PWWP3A: variants seen among roughly 807,000 people sequenced by gnomAD.
The protein encoded by PWWP3A is PWWP domain-containing DNA repair factor 3A.
PWWP3A carries 53 observed loss-of-function variants against 79.0 expected under a neutral mutation model. That is an observed-to-expected ratio of 0.67 (90% CI 0.54 to 0.84). PWWP3A has a LOEUF of 0.84. Ranked by LOEUF, PWWP3A falls within the 40% of genes least tolerant of loss-of-function variation. The pLI, the probability that PWWP3A is intolerant of heterozygous loss-of-function variation, is 0.00. For synonymous variants in PWWP3A, 443 were observed against 394.4 expected (o/e 1.12, Z -1.46); for missense variants, 973 against 948.0 (o/e 1.03, Z -0.35).
Position 1,373,058 on chromosome 19 carries a change from G to T in PWWP3A, c.1987-14G>T, listed in dbSNP as rs745802654. The T allele has an allele frequency of 3.1e-6, 5 of 1,613,176 alleles. No individual in the cohort carries two copies. Among genetic ancestry groups the T allele is most frequent in the Non-Finnish European group, 4.2e-6 (5 of 1,179,482 alleles). ...GCAGTGCCTGCTGCTATTGAGCCCC[G>T]TGCCCTCTCACAGGCCATCATCTGT... On this transcript the variant is annotated splice_polypyrimidine_tract_variant and intron_variant, in intron 12 of 13. Coordinates refer to ENST00000591337, the MANE Select transcript of PWWP3A (RefSeq NM_001369789.1).
chr19:1,366,483 C>A, intron 8 of PWWP3A, 102 bp downstream of exon 8: 1 of 1,080,332 alleles, frequency 9.3e-7, no homozygotes, highest in East Asian at 2.5e-5. Context: ...AGGGGAGGCC[C>A]CGGCAGGAGT....
intron 13 of PWWP3A, 49 bp downstream of exon 13, chr19:1,373,209 A>G (rs769956986): frequency 2.4e-5 from 37 of 1,545,250 alleles, no homozygotes; most frequent in South Asian, 5.7e-5. Flanking sequence ...TCTGCCTTGC[A>G]GTTTCTATTT....
intron 12 of PWWP3A, chr19:1,372,669 A>C (rs2082287055): frequency 6.4e-6 from 1 of 156,870 alleles, no homozygotes; most frequent in Non-Finnish European, 1.4e-5. Flanking sequence ...AGGCAGGAGA[A>C]TCACCTGAAC....
At position 1,368,164 on chromosome 19, in the gene PWWP3A, C is replaced by A. The variant is rs1028400067; in HGVS notation, c.1422+944C>A. ...GGTCTCGAACTCCTGACCTCATGAT[C>A]CGCCTGCCTCAGCCTCTCAAAGTGC... is the stretch of plus-strand genomic sequence containing the variant. On this transcript the variant is annotated intron_variant, in intron 9 of 13. Transcript: ENST00000591337. The surrounding 1 kb of genome is among the most constrained non-coding windows in gnomAD (Gnocchi z 4.7). Among the ~76,000 whole-genome samples the A allele has an allele frequency of 1.2e-4, 18 of 152,134 alleles. No individual in the cohort carries two copies. The highest frequency in any genetic ancestry group is 3.9e-4 in the African/African-American group (16 of 41,414).
At chr19:1,375,795 C>T (rs1413145270) in intron 13 of PWWP3A, among the ~76,000 whole-genome samples, 3 of 118,388 alleles carry the variant, frequency 2.5e-5, no homozygotes, top group African/African-American at 9.6e-5. Flanking sequence ...CACACACACA[C>T]ATATGTATTT....
intron 6 of PWWP3A, among the ~76,000 whole-genome samples, chr19:1,363,343 C>G (rs2082061297): frequency 6.6e-6 from 1 of 152,256 alleles, no homozygotes; most frequent in South Asian, 2.1e-4. Flanking sequence ...CTCTTCTGAT[C>G]CTTTTCCTCT....
intron 5 of PWWP3A, among the ~76,000 whole-genome samples, chr19:1,361,354 GCGGCTGCACCCCGAGGATTA>G (rs568558240): frequency 6.6e-6 from 1 of 152,346 alleles, no homozygotes; most frequent in East Asian, 1.9e-4. Flanking sequence ...GGCCGCAGCT[GCGGCTGCACCCCGAGGATTA>G]ACTCTTTTAA....
At chr19:1,361,171 TC>T (rs1413816836) in intron 5 of PWWP3A, 139 bp downstream of exon 5, 1 of 772,220 alleles carries the variant, frequency 1.3e-6, no homozygotes, top group Non-Finnish European at 1.8e-6. Context: ...AGCAGAGACT[TC>T]CTCATTCCTT....
intron 5 of PWWP3A, among the ~76,000 whole-genome samples, chr19:1,361,691 G>A (rs558005281): frequency 6.6e-6 from 1 of 152,174 alleles, no homozygotes; most frequent in Admixed American, 6.5e-5. Flanking sequence ...CGTTGGAAGC[G>A]GCAGGGAACT....
rs368657286 is a variant in PWWP3A at position 1,376,506 on chromosome 19, T to C, written c.2076-13T>C. 28 of 1,612,824 alleles carry C rather than the reference T, an allele frequency of 1.7e-5. No individual in the cohort carries two copies. The highest frequency in any genetic ancestry group is 2.1e-5 in the Non-Finnish European group (25 of 1,179,388). On this transcript the variant is annotated splice_polypyrimidine_tract_variant and intron_variant, in intron 13 of 13. Coordinates refer to ENST00000591337, the MANE Select transcript of PWWP3A (RefSeq NM_001369789.1). Reference sequence around the variant, plus strand: ...TGATTAATTACTAAAATGAAGACTCTTGTTTTCTGAAGGGAAAAAGAAATA... The same window carrying C: ...TGATTAATTACTAAAATGAAGACTCCTGTTTTCTGAAGGGAAAAAGAAATA...
In PWWP3A at chr19:1,369,501, T is replaced by C; in HGVS notation, c.1499-95T>C. 1.3e-6 allele frequency: 2 copies of C among 1,542,502 alleles called. No individual in the cohort carries two copies. Among genetic ancestry groups the C allele is most frequent in the Non-Finnish European group, 1.8e-6 (2 of 1,116,518 alleles). On this transcript the variant is annotated intron_variant, in intron 10 of 13. Coordinates refer to ENST00000591337, the MANE Select transcript of PWWP3A (RefSeq NM_001369789.1). The surrounding 1 kb of genome is among the most constrained non-coding windows in gnomAD (Gnocchi z 4.0). ...CTGGGGTTCTGGCCTGGCCTGATTA[T>C]TTCCTAAACAGAGACGCCGGGCCAG...
Position 1,360,281 on chromosome 19 carries a change from A to G in PWWP3A, c.360A>G (p.Arg120=). ...CAGGTAGAGCTGACCGGTCTCTGCG[A>G]GGGAAGCCCATGGAGCATGTCTCCT... ...AGTGRADRSL[R]GKPMEHVSSP... Residue 120 remains arginine (R), a synonymous_variant, in exon 5 of 14, where the codon CGA becomes CGG. Coordinates refer to ENST00000591337, the MANE Select transcript of PWWP3A (RefSeq NM_001369789.1). The surrounding 1 kb of genome is among the most constrained non-coding windows in gnomAD (Gnocchi z 4.4). The G allele has an allele frequency of 1.9e-6, 3 of 1,614,054 alleles. No homozygotes were observed. The highest frequency in any genetic ancestry group is 1.7e-6 in the Non-Finnish European group (2 of 1,179,970).
At chr19:1,372,807 T>C in intron 12 of PWWP3A, 1 of 394,806 alleles carries the variant, frequency 2.5e-6, no homozygotes, top group Non-Finnish European at 4.5e-6. Flanking sequence ...GAAATGCTCT[T>C]GTGGGTTTGG....
At chr19:1,364,170 T>G (rs759979774) in intron 6 of PWWP3A, 1 of 544,780 alleles carries the variant, frequency 1.8e-6, no homozygotes. Flanking sequence ...CCCGCGGGGT[T>G]TAGAGTTAGG....
chr19:1,354,968 C>A lies in PWWP3A; in HGVS notation c.-237C>A, dbSNP rs2144675465. On this transcript the variant is annotated 5_prime_UTR_variant, in exon 1 of 14. Coordinates refer to ENST00000591337, the MANE Select transcript of PWWP3A (RefSeq NM_001369789.1). ...GGCGCCGCCGCGAGGCAAGCCCCGC[C>A]CCCGGCCCCGCGGGGAGCGGCGGCG... is the stretch of plus-strand genomic sequence containing the variant. The A allele has an allele frequency of 7.1e-6, 1 of 141,442 alleles. No individual in the cohort carries two copies. Among genetic ancestry groups the A allele is most frequent in the South Asian group, 1.8e-4 (1 of 5,416 alleles). The allele number at this position is 141,442 out of a possible 1,614,324, so 8.8% of individuals were successfully genotyped here.
At chr19:1,362,404 C>A in intron 6 of PWWP3A, 53 bp downstream of exon 6, 1 of 1,440,738 alleles carries the variant, frequency 6.9e-7, no homozygotes, top group Non-Finnish European at 9.6e-7. Flanking sequence ...TCAGAGGCAG[C>A]GGCGGCGGGG....
At chr19:1,373,401 C>A (rs2082303065) in intron 13 of PWWP3A, 1 of 564,334 alleles carries the variant, frequency 1.8e-6, no homozygotes, top group Non-Finnish European at 3.2e-6. Flanking sequence ...GGGCCACGGG[C>A]ACGTGCCTGG....
chr19:1,364,121 C>T (rs1309596446), intron 6 of PWWP3A: 9 of 523,580 alleles, frequency 1.7e-5, no homozygotes, highest in African/African-American at 1.5e-4. Flanking sequence ...GCCATTACCT[C>T]ACCTCTGTTT....
At chr19:1,355,486 C>G (rs1462536821) in intron 1 of PWWP3A, among the ~76,000 whole-genome samples, 6 of 15,174 alleles carry the variant, frequency 4.0e-4, no homozygotes, top group African/African-American at 9.4e-4. Flanking sequence ...GGATTCCCCA[C>G]CCCCAACCGT....
Sources: gnomAD v4.1 joint callset for allele counts (sites outside exome capture counted in the v4.1 genomes callset) on GRCh38, gnomAD v4.1.1 for gene constraint, Gnocchi (gnomAD v3.1) non-coding constraint, MANE v1.5 for transcripts, NCBI Gene and HGNC (gene_info 2026-07-23, HGNC 2026-07-21) for gene names.